Variants in ADAMTS3 observed in about 807,000 individuals in gnomAD.
ADAMTS3 encodes the protein A disintegrin and metalloproteinase with thrombospondin motifs 3.
In ADAMTS3, 73 loss-of-function variants were observed where a neutral mutation model predicts 129.0. The ratio of observed to expected loss-of-function variants is 0.57; its 90% CI spans 0.47 to 0.69. The LOEUF (loss-of-function observed/expected upper bound fraction) is 0.69, where lower values mean the gene tolerates loss of function less well. Among genes scored for constraint, ADAMTS3 ranks in the 30% least tolerant of loss-of-function variants. The pLI, the probability that ADAMTS3 is intolerant of heterozygous loss-of-function variation, is 0.00. For synonymous variants in ADAMTS3, 477 were observed against 510.8 expected (o/e 0.93, Z 0.89); for missense variants, 1,457 against 1,514.5 (o/e 0.96, Z 0.63).
At chr4:72,289,589 T>C (rs1718606135) in intron 20 of ADAMTS3, among the ~76,000 whole-genome samples, 1 of 152,172 alleles carries the variant, frequency 6.6e-6, no homozygotes, top group African/African-American at 2.4e-5. Context: ...ACTTGTACTA[T>C]GGTTTGAATG....
chr4:72,482,426 C>T (rs1390885245), intron 3 of ADAMTS3, among the ~76,000 whole-genome samples: 1 of 151,512 alleles, frequency 6.6e-6, no homozygotes, highest in Non-Finnish European at 1.5e-5. Context: ...AGGTTACATA[C>T]TATATAGTAC....
chr4:72,327,232 A>C (rs1363031708), intron 5 of ADAMTS3, among the ~76,000 whole-genome samples: 1 of 152,170 alleles, frequency 6.6e-6, no homozygotes, highest in Non-Finnish European at 1.5e-5. Flanking sequence ...GAAAGAACTA[A>C]AAGGATATCA....
At chr4:72,478,181 A>C (rs964407709) in intron 3 of ADAMTS3, among the ~76,000 whole-genome samples, 6 of 152,226 alleles carry the variant, frequency 3.9e-5, no homozygotes, top group Non-Finnish European at 5.9e-5. Context: ...AATCTTCTCT[A>C]ACTCATTTTA....
chr4:72,408,914 CG>C (rs1446303206), intron 4 of ADAMTS3, among the ~76,000 whole-genome samples: 11 of 150,488 alleles, frequency 7.3e-5, no homozygotes, highest in African/African-American at 2.7e-4. Flanking sequence ...CAGGGCCGGT[CG>C]GGGGGTGGGG....
chr4:72,372,969 C>A (rs778373693), intron 4 of ADAMTS3, among the ~76,000 whole-genome samples: 112 of 152,240 alleles, frequency 7.4e-4, no homozygotes, highest in Non-Finnish European at 1.2e-3. Flanking sequence ...CACTTTAATT[C>A]CATACATATT....
intron 3 of ADAMTS3, among the ~76,000 whole-genome samples, chr4:72,527,614 A>G (rs948615224): frequency 2.0e-5 from 3 of 152,200 alleles, no homozygotes; most frequent in Admixed American, 1.3e-4. Flanking sequence ...ACAGAAAAAT[A>G]AAAGAATCCT....
chr4:72,378,590 T>G (rs1253595754), intron 4 of ADAMTS3, among the ~76,000 whole-genome samples: 1 of 152,278 alleles, frequency 6.6e-6, no homozygotes, highest in East Asian at 1.9e-4. Context: ...AGAATATAAG[T>G]GCTTCCTTTC....
intron 3 of ADAMTS3, among the ~76,000 whole-genome samples, chr4:72,466,660 T>C (rs1405827657): frequency 6.6e-6 from 1 of 152,078 alleles, no homozygotes; most frequent in Non-Finnish European, 1.5e-5. Flanking sequence ...CTGCATCTTC[T>C]CTATATCCCT....
chr4:72,299,199 T>G (rs1718891266), intron 17 of ADAMTS3, among the ~76,000 whole-genome samples: 1 of 151,748 alleles, frequency 6.6e-6, no homozygotes, highest in African/African-American at 2.4e-5. Flanking sequence ...GGAATGATGG[T>G]CATTGGAGAC....
intron 4 of ADAMTS3, among the ~76,000 whole-genome samples, chr4:72,391,273 T>A (rs138962572): frequency 2.0e-4 from 31 of 152,348 alleles, no homozygotes; most frequent in African/African-American, 7.2e-4. Flanking sequence ...TAAACATATT[T>A]ACTTTGTGTA....
At chr4:72,414,218 T>TA (rs1322707566) in intron 4 of ADAMTS3, among the ~76,000 whole-genome samples, 1 of 151,904 alleles carries the variant, frequency 6.6e-6, no homozygotes, top group Non-Finnish European at 1.5e-5. Flanking sequence ...AGTAAGTTAC[T>TA]TTCAGGTTTC....
intron 2 of ADAMTS3, among the ~76,000 whole-genome samples, chr4:72,554,255 T>C (rs1484923277): frequency 6.6e-6 from 1 of 152,226 alleles, no homozygotes; most frequent in Non-Finnish European, 1.5e-5. Flanking sequence ...GTTCTTTATT[T>C]CAATATACTT....
chr4:72,516,238 G>A (rs929776249), intron 3 of ADAMTS3, among the ~76,000 whole-genome samples: 4 of 151,974 alleles, frequency 2.6e-5, no homozygotes, highest in African/African-American at 7.2e-5. Flanking sequence ...TGGTTACTGT[G>A]GCCTTGTAGT....
chr4:72,391,489 G>A (rs959258143), intron 4 of ADAMTS3, among the ~76,000 whole-genome samples: 15 of 152,158 alleles, frequency 9.9e-5, no homozygotes, highest in Non-Finnish European at 8.8e-5. Context: ...ATTGGTAAGT[G>A]AAAGCCCTTG....
At chr4:72,301,526 T>C (rs1332053557) in intron 17 of ADAMTS3, among the ~76,000 whole-genome samples, 1 of 152,010 alleles carries the variant, frequency 6.6e-6, no homozygotes, top group Non-Finnish European at 1.5e-5. Context: ...AAAAATTGAG[T>C]GGAGCAATTT....
chr4:72,381,411 C>T (rs1257419654), intron 4 of ADAMTS3, among the ~76,000 whole-genome samples: 4 of 151,994 alleles, frequency 2.6e-5, no homozygotes. Context: ...GCAATTATGT[C>T]AGGCAAATCC....
At chr4:72,550,506 T>C (rs1444515391) in intron 2 of ADAMTS3, among the ~76,000 whole-genome samples, 2 of 152,160 alleles carry the variant, frequency 1.3e-5, no homozygotes, top group African/African-American at 4.8e-5. Context: ...AACTATCCCA[T>C]TTTACTAAAT....
chr4:72,477,747 C>A (rs1175412416), intron 3 of ADAMTS3, among the ~76,000 whole-genome samples: 1 of 151,932 alleles, frequency 6.6e-6, no homozygotes, highest in Non-Finnish European at 1.5e-5. Context: ...ATCAATGAAT[C>A]CAGGAGCTGG....
At chr4:72,358,603 T>C (rs1357858000) in intron 4 of ADAMTS3, among the ~76,000 whole-genome samples, 1 of 152,018 alleles carries the variant, frequency 6.6e-6, no homozygotes, top group Non-Finnish European at 1.5e-5. Flanking sequence ...CTATATATAT[T>C]CCTATCCTTC....
Sources: gnomAD v4.1 joint callset for allele counts (sites outside exome capture counted in the v4.1 genomes callset) on GRCh38, gnomAD v4.1.1 for gene constraint, MANE v1.5 for transcripts, NCBI Gene and HGNC (gene_info 2026-07-23, HGNC 2026-07-21) for gene names.